POLD3: variants seen among roughly 807,000 people sequenced by gnomAD.
The protein encoded by POLD3 is DNA polymerase delta 3, accessory subunit.
In POLD3, 19 loss-of-function variants were observed where a neutral mutation model predicts 58.2. The observed-to-expected ratio is 0.33, with a 90% confidence interval of 0.23 to 0.48. The LOEUF is 0.48. POLD3 is among the 20% of genes least tolerant of loss of function. The pLI is 0.99. For missense variants in POLD3, 504 were observed against 545.5 expected, an observed-to-expected ratio of 0.92 and a Z score of 0.76; for synonymous variants, 172 against 193.5, an observed-to-expected ratio of 0.89 and a Z score of 0.92.
intron 5 of POLD3, 23 bp downstream of exon 5, chr11:74,613,033 T>G: frequency 6.3e-7 from 1 of 1,595,776 alleles, no homozygotes; most frequent in Non-Finnish European, 8.5e-7. Context: ...ATGTTCCTTG[T>G]GGGCTTCTTT....
chr11:74,600,710 C>CTTTTTTTTTTTTTTTTTTTTTTTTTT (rs57206403), intron 2 of POLD3, among the ~76,000 whole-genome samples: 1 of 63,008 alleles, frequency 1.6e-5, no homozygotes, highest in African/African-American at 6.9e-5. Flanking sequence ...GAATTCTTTC[C>CTTTTTTTTTTTTTTTTTTTTTTTTTT]TTTTTTTTTT....
intron 4 of POLD3, chr11:74,668,659 G>A: frequency 3.3e-6 from 2 of 605,700 alleles, no homozygotes; most frequent in Non-Finnish European, 5.4e-6. Context: ...TGAGTAAGGG[G>A]TGGGTGGGAA....
chr11:74,605,601 A>T (rs1184266647), intron 3 of POLD3, among the ~76,000 whole-genome samples: 1 of 152,118 alleles, frequency 6.6e-6, no homozygotes, highest in Non-Finnish European at 1.5e-5. Flanking sequence ...TTCCTATCTG[A>T]AGGTTCTTTC....
chr11:74,605,075 A>G (rs1202871145), intron 3 of POLD3, among the ~76,000 whole-genome samples: 1 of 152,230 alleles, frequency 6.6e-6, no homozygotes, highest in African/African-American at 2.4e-5. Context: ...TCTTGAAGGT[A>G]TATGGAGAAC....
intron 4 of POLD3, among the ~76,000 whole-genome samples, chr11:74,656,327 G>A (rs578022705): frequency 8.1e-4 from 123 of 152,222 alleles, no homozygotes; most frequent in Admixed American, 1.4e-3. Flanking sequence ...AGTGGCTCAT[G>A]CCTGTAATCC....
At chr11:74,606,473 C>T (rs11236171) in intron 3 of POLD3, among the ~76,000 whole-genome samples, 17,126 of 152,164 alleles carry the variant, frequency 0.11, 1,159 homozygotes, top group African/African-American at 0.18. Flanking sequence ...TTCTTTAAAG[C>T]AGTGCTTTTT....
intron 7 of POLD3, among the ~76,000 whole-genome samples, chr11:74,622,957 G>C (rs2032311086): frequency 6.6e-6 from 1 of 152,156 alleles, no homozygotes; most frequent in Non-Finnish European, 1.5e-5. Flanking sequence ...CTGATGAATG[G>C]ATAAACAAAG....
chr11:74,640,525 T>A (rs779916636), intron 11 of POLD3, 39 bp from the exon 12 acceptor site: 5 of 1,465,766 alleles, frequency 3.4e-6, no homozygotes, highest in Non-Finnish European at 4.5e-6. Flanking sequence ...AGTAAATGAT[T>A]CAGCCCACCC....
intron 3 of POLD3, among the ~76,000 whole-genome samples, chr11:74,605,505 C>T (rs1471710314): frequency 6.6e-6 from 1 of 152,200 alleles, no homozygotes; most frequent in East Asian, 1.9e-4. Context: ...CTGCACCAAA[C>T]TGGGCCTTGG....
chr11:74,642,933 T>G lies in POLD3; in HGVS notation c.*2167T>G, dbSNP rs79013192. ...TGTTAGTTTCAGCCAACCTCATTTT[T>G]TAGTTCATCTAGAAGAAAATCTAGC... On this transcript the variant is annotated 3_prime_UTR_variant, in exon 12 of 12. Coordinates refer to ENST00000263681, the MANE Select transcript of POLD3 (RefSeq NM_006591.3). The G allele has an allele frequency of 6.2e-3, 6,150 of 985,344 alleles. 323 individuals are homozygous for G. The African/African-American group carries it at 0.098, about 16-fold the overall frequency. 61.0% of individuals were successfully genotyped at this position (985,344 alleles called of 1,614,324 possible). A position where few individuals can be genotyped will look rare whatever the true frequency, so the allele number is the denominator to read the frequency against.
At chr11:74,644,563 G>A (rs2032976842), downstream of POLD3, among the ~76,000 whole-genome samples, 2 of 152,118 alleles carry the variant, frequency 1.3e-5, no homozygotes, top group Non-Finnish European at 2.9e-5. Flanking sequence ...CCAGTTTTTT[G>A]TGTTCTTAGG....
Position 74,629,320 on chromosome 11 carries a change from G to A in POLD3, c.1003G>A (p.Glu335Lys). The change falls in exon 9 of 12, where the codon GAA becomes AAA. Residue 335 changes from glutamate (E) to lysine (K), a missense_variant. Glu to Lys is a moderately conservative substitution (Grantham distance 56). Transcript: ENST00000263681. ...TCCTGAATCTGATAGCAGTGAAGAT[G>A]AAGGTGGGCATTACCATTCATTTTG... ...KLPESDSSEDEVFPDSPGAYE... is the reference protein window; with the variant it reads ...KLPESDSSEDKVFPDSPGAYE... 1.9e-6 allele frequency: 3 copies of A among 1,576,776 alleles called. No homozygotes were observed. Among genetic ancestry groups the A allele is most frequent in the Non-Finnish European group, 2.6e-6 (3 of 1,149,420 alleles).
At chr11:74,610,336 G>A (rs187845835) in intron 3 of POLD3, among the ~76,000 whole-genome samples, 111 of 151,770 alleles carry the variant, frequency 7.3e-4, no homozygotes, top group Admixed American at 1.6e-3. Context: ...TCAGCCTCCC[G>A]AGTAGCTGGG....
Position 74,625,568 on chromosome 11 carries a change from A to G in POLD3, c.894A>G (p.Lys298=), listed in dbSNP as rs2135160528. 6.2e-7 allele frequency: 1 copy of G among 1,601,492 alleles called. No individual in the cohort carries two copies. ...CTGTTAAGGTGCTGCAGAAGGAAAA[A>G]AAAAGGTAGGAAAATTTTGTTGCTT... ...AEPVKVLQKE[K]KRGKRVALSD... The change falls in exon 8 of 12, where the codon AAA becomes AAG. Residue 298 remains lysine (K), a synonymous_variant. Coordinates refer to ENST00000263681, the MANE Select transcript of POLD3 (RefSeq NM_006591.3).
At chr11:74,614,649 G>T (rs530188814) in intron 5 of POLD3, among the ~76,000 whole-genome samples, 38 of 152,110 alleles carry the variant, frequency 2.5e-4, no homozygotes, top group Non-Finnish European at 4.9e-4. Context: ...GGCAGAGCTT[G>T]CAGCGAGCAG....
chr11:74,646,289 A>G (rs1157581567), downstream of POLD3, among the ~76,000 whole-genome samples: 1 of 152,114 alleles, frequency 6.6e-6, no homozygotes, highest in African/African-American at 2.4e-5. Flanking sequence ...TCATTTTTAT[A>G]AGTGAAAGTG....
In POLD3 at chr11:74,641,482, C is replaced by T. The variant is rs891756503; in HGVS notation, c.*716C>T. On this transcript the variant is annotated 3_prime_UTR_variant, in exon 12 of 12. Transcript: ENST00000263681. The stretch of plus-strand genomic sequence containing the variant: ...ACAAATAGAAATTTAATGATGTGTT[C>T]AACTCCACCAGAAATTACCTCGAGT... 1.0e-6 allele frequency: 1 copy of T among 985,288 alleles called. No individual in the cohort carries two copies. The highest frequency in any genetic ancestry group is 4.7e-5 in the South Asian group (1 of 21,282). 61.0% of individuals were successfully genotyped at this position (985,288 alleles called of 1,614,324 possible). A position where few individuals can be genotyped will look rare whatever the true frequency, so the allele number is the denominator to read the frequency against.
chr11:74,642,600 A>G lies in POLD3; in HGVS notation c.*1834A>G, dbSNP rs1402605564. On this transcript the variant is annotated 3_prime_UTR_variant, in exon 12 of 12. Coordinates refer to ENST00000263681, the MANE Select transcript of POLD3 (RefSeq NM_006591.3). The stretch of plus-strand genomic sequence containing the variant: ...ACAAATCCTATGATCTCTATGCCCA[A>G]TATGCTGCCTCAACTCTGAGCTGTC... 1 of 985,068 alleles carries G rather than the reference A, an allele frequency of 1.0e-6. No individual in the cohort carries two copies. Among genetic ancestry groups the G allele is most frequent in the Non-Finnish European group, 1.2e-6 (1 of 829,778 alleles). 61.0% of individuals were successfully genotyped at this position (985,068 alleles called of 1,614,324 possible). A position where few individuals can be genotyped will look rare whatever the true frequency, so the allele number is the denominator to read the frequency against.
intron 4 of POLD3, among the ~76,000 whole-genome samples, chr11:74,657,262 T>C (rs11236193): frequency 0.1 from 15,543 of 152,088 alleles, 918 homozygotes; most frequent in Middle Eastern, 0.17. Flanking sequence ...TTGGAGAACT[T>C]AGTCTGTTTA....
Sources: gnomAD v4.1 joint callset for allele counts (sites outside exome capture counted in the v4.1 genomes callset) on GRCh38, gnomAD v4.1.1 for gene constraint, MANE v1.5 for transcripts, NCBI Gene and HGNC (gene_info 2026-07-23, HGNC 2026-07-21) for gene names.